Variants in KIAA1549L observed in about 807,000 individuals in gnomAD.
KIAA1549L encodes the protein KIAA1549 like, also known as UPF0606 protein KIAA1549L.
Under a neutral mutation model 160.7 loss-of-function variants are expected in KIAA1549L, and 88 were observed. The ratio of observed to expected loss-of-function variants is 0.55; its 90% CI spans 0.46 to 0.65. KIAA1549L has a LOEUF of 0.65. Ranked by LOEUF, KIAA1549L falls within the 30% of genes least tolerant of loss-of-function variation. The pLI is 0.00. For synonymous variants in KIAA1549L, 950 were observed against 976.7 expected, an observed-to-expected ratio of 0.97 and a Z score of 0.51; for missense variants, 2,258 against 2,437.5, an observed-to-expected ratio of 0.93 and a Z score of 1.55.
At chr11:33,393,877 T>C (rs1850318371) in intron 1 of KIAA1549L, among the ~76,000 whole-genome samples, 1 of 152,202 alleles carries the variant, frequency 6.6e-6, no homozygotes, top group African/African-American at 2.4e-5. Flanking sequence ...TACAGGATAA[T>C]TGTGTATATA....
intron 1 of KIAA1549L, among the ~76,000 whole-genome samples, chr11:33,497,079 C>T (rs1852838118): frequency 6.6e-6 from 1 of 152,134 alleles, no homozygotes; most frequent in Non-Finnish European, 1.5e-5. Flanking sequence ...TTCGAGAAGC[C>T]TTCCCTGGCC....
intron 13 of KIAA1549L, among the ~76,000 whole-genome samples, chr11:33,600,701 C>A (rs1850335040): frequency 6.6e-6 from 1 of 152,132 alleles, no homozygotes; most frequent in Non-Finnish European, 1.5e-5. Flanking sequence ...TTTCTCTGAC[C>A]TTTTTACTAT....
intron 1 of KIAA1549L, among the ~76,000 whole-genome samples, chr11:33,492,395 A>T (rs1483967309): frequency 2.0e-5 from 3 of 152,172 alleles, no homozygotes; most frequent in African/African-American, 7.2e-5. Context: ...ACAATTTTGT[A>T]TAAGATTTCA....
intron 19 of KIAA1549L, 94 bp from the exon 20 acceptor site, chr11:33,660,769 G>A: frequency 4.1e-6 from 5 of 1,228,208 alleles, no homozygotes; most frequent in Non-Finnish European, 4.6e-6. Context: ...AGCCAGCCAG[G>A]GAGCCAATGA....
intron 1 of KIAA1549L, among the ~76,000 whole-genome samples, chr11:33,494,437 ACTGT>A (rs1852767574): frequency 6.6e-6 from 1 of 152,348 alleles, no homozygotes; most frequent in Middle Eastern, 3.4e-3. Context: ...AAGGAAAAGG[ACTGT>A]CTAAGTACCA....
chr11:33,530,863 C>T (rs536998808), intron 1 of KIAA1549L, among the ~76,000 whole-genome samples: 4 of 152,206 alleles, frequency 2.6e-5, no homozygotes, highest in Middle Eastern at 3.4e-3. Flanking sequence ...AATATGCAAC[C>T]TTATCCAATA....
chr11:33,563,025 C>T lies in KIAA1549L; in HGVS notation c.4078+1290C>T, dbSNP rs142657590. On this transcript the variant is annotated intron_variant, in intron 8 of 20. Coordinates refer to ENST00000658780, the MANE Select transcript of KIAA1549L (RefSeq NM_012194.3). ...AAGGACCTGTCTCCAAATACAGTCA[C>T]GTTCTGAGGTACTTGGGGTTAGGGC... Among the ~76,000 whole-genome samples, 518 of 151,914 alleles carry T rather than the reference C, an allele frequency of 3.4e-3. 6 individuals are homozygous for T. The highest frequency in any genetic ancestry group is 0.011 in the African/African-American group (460 of 41,444).
At chr11:33,415,407 A>G (rs999778250) in intron 1 of KIAA1549L, among the ~76,000 whole-genome samples, 8 of 152,196 alleles carry the variant, frequency 5.3e-5, no homozygotes, top group Admixed American at 1.3e-4. Context: ...TGGCTTCAGA[A>G]TGTGTCGCTG....
At chr11:33,627,438 T>C (rs1298878442) in intron 16 of KIAA1549L, among the ~76,000 whole-genome samples, 1 of 152,118 alleles carries the variant, frequency 6.6e-6, no homozygotes, top group Non-Finnish European at 1.5e-5. Context: ...TTCCAGCTCC[T>C]GTTATTGGTC....
intron 20 of KIAA1549L, among the ~76,000 whole-genome samples, chr11:33,661,879 C>CAAAAAAAAAAAA: frequency 2.8e-5 from 1 of 36,328 alleles, no homozygotes; most frequent in South Asian, 1.1e-3. Context: ...GACTATGTCT[C>CAAAAAAAAAAAA]AAAAAAAAAA....
chr11:33,549,813 G>T (rs917231668), intron 4 of KIAA1549L, among the ~76,000 whole-genome samples: 1 of 152,092 alleles, frequency 6.6e-6, no homozygotes, highest in Non-Finnish European at 1.5e-5. Context: ...AGACCAGCGT[G>T]GGCAACGTAG....
At chr11:33,660,238 A>G (rs1852212697) in intron 19 of KIAA1549L, among the ~76,000 whole-genome samples, 1 of 152,244 alleles carries the variant, frequency 6.6e-6, no homozygotes, top group Non-Finnish European at 1.5e-5. Flanking sequence ...GCAGTGCACC[A>G]TCTGCCCAGC....
At chr11:33,622,302 C>T (rs1850979345) in intron 16 of KIAA1549L, among the ~76,000 whole-genome samples, 1 of 152,154 alleles carries the variant, frequency 6.6e-6, no homozygotes, top group Admixed American at 6.5e-5. Context: ...ATTAGGCGCT[C>T]ACAAAATCAT....
In KIAA1549L at chr11:33,600,516, G is replaced by A. The variant is rs77753071; in HGVS notation, c.4879+1569G>A. Reference sequence around the variant, plus strand: ...CCATCTATCCAAGATGGTGCTTCCCGCCCTCCCAGCTCCGCCTACTCCCTC... The same window carrying A: ...CCATCTATCCAAGATGGTGCTTCCCACCCTCCCAGCTCCGCCTACTCCCTC... On this transcript the variant is annotated intron_variant, in intron 13 of 20. Coordinates refer to ENST00000658780, the MANE Select transcript of KIAA1549L (RefSeq NM_012194.3). 2.1e-4 allele frequency among the ~76,000 whole-genome samples: 32 copies of A among 149,906 alleles called. No individual in the cohort carries two copies. The East Asian group carries it at 5.1e-3, about 24-fold the overall frequency.
intron 15 of KIAA1549L, among the ~76,000 whole-genome samples, chr11:33,617,770 G>A (rs73477264): frequency 0.028 from 4,228 of 149,952 alleles, 188 homozygotes; most frequent in African/African-American, 0.1. Flanking sequence ...TAGGCATTCG[G>A]TAAATGATGG....
At chr11:33,649,507 A>G (rs1394415196) in intron 17 of KIAA1549L, among the ~76,000 whole-genome samples, 231 of 10,132 alleles carry the variant, frequency 0.023, 1 homozygote, top group African/African-American at 0.07. Context: ...CTCTATTGTA[A>G]AAAAAAAAAA....
At chr11:33,587,674 C>G (rs1284232085) in intron 11 of KIAA1549L, among the ~76,000 whole-genome samples, 1 of 152,182 alleles carries the variant, frequency 6.6e-6, no homozygotes, top group Non-Finnish European at 1.5e-5. Flanking sequence ...CTTAATGTCT[C>G]TCTTTGTGTA....
intron 1 of KIAA1549L, among the ~76,000 whole-genome samples, chr11:33,433,702 A>G (rs878893337): frequency 1.3e-5 from 2 of 152,234 alleles, no homozygotes; most frequent in Non-Finnish European, 2.9e-5. Context: ...ATGCCCATCA[A>G]TTATAGACTG....
At chr11:33,599,719 T>C (rs1347480199) in intron 13 of KIAA1549L, among the ~76,000 whole-genome samples, 2 of 152,202 alleles carry the variant, frequency 1.3e-5, no homozygotes, top group Non-Finnish European at 2.9e-5. Flanking sequence ...TGTTCCCACC[T>C]TGGTTCTGAC....
Sources: allele counts gnomAD v4.1 joint callset (sites outside exome capture counted in the v4.1 genomes callset), GRCh38; gene constraint gnomAD v4.1.1; transcripts MANE v1.5; gene names NCBI Gene and HGNC (gene_info 2026-07-23, HGNC 2026-07-21).